METTL24: variants seen among roughly 807,000 people sequenced by gnomAD.
METTL24 encodes the protein methyltransferase like 24, also known as probable methyltransferase-like protein 24.
A neutral mutation model predicts 32.7 loss-of-function variants in METTL24; 29 were observed. That is an observed-to-expected ratio of 0.89 (90% CI 0.66 to 1.21). METTL24 has a LOEUF of 1.21. Among genes scored for constraint, METTL24 ranks in the 50% most tolerant of loss-of-function variants. The pLI, the probability that METTL24 is intolerant of heterozygous loss-of-function variation, is 0.00. For synonymous variants in METTL24, 163 were observed against 179.5 expected, an observed-to-expected ratio of 0.91 and a Z score of 0.73; for missense variants, 439 against 468.1, an observed-to-expected ratio of 0.94 and a Z score of 0.57.
intron 4 of METTL24, chr6:110,254,099 A>C (rs1778336449): frequency 1.8e-6 from 1 of 550,832 alleles, no homozygotes; most frequent in Non-Finnish European, 2.8e-6. Context: ...ATTTATTCTT[A>C]ACAGCTTTTG....
intron 3 of METTL24, among the ~76,000 whole-genome samples, chr6:110,300,128 A>C (rs1333359409): frequency 6.6e-6 from 1 of 152,142 alleles, no homozygotes; most frequent in Non-Finnish European, 1.5e-5. Flanking sequence ...TTCCACGTCC[A>C]CAAATTCAAC....
chr6:110,291,541 T>TA (rs951222323), intron 4 of METTL24, among the ~76,000 whole-genome samples: 25 of 152,244 alleles, frequency 1.6e-4, no homozygotes, highest in East Asian at 5.8e-4. Flanking sequence ...TGCAGATTTT[T>TA]AAAAAAAACT....
intron 2 of METTL24, among the ~76,000 whole-genome samples, chr6:110,316,717 AAAACTTCATCTCTACAAAAAATAT>A (rs1771825867): frequency 6.6e-6 from 1 of 152,160 alleles, no homozygotes; most frequent in Non-Finnish European, 1.5e-5. Context: ...GCAACATGGC[AAAACTTCATCTCTACAAAAAATAT>A]AAACATTAGC....
At chr6:110,356,394 G>A (rs567942990) in intron 1 of METTL24, among the ~76,000 whole-genome samples, 12 of 152,118 alleles carry the variant, frequency 7.9e-5, no homozygotes, top group African/African-American at 2.2e-4. Flanking sequence ...AGTGAGCCAA[G>A]ATCAAGCCAC....
At chr6:110,347,805 AT>A (rs1772507669) in intron 1 of METTL24, among the ~76,000 whole-genome samples, 1 of 152,224 alleles carries the variant, frequency 6.6e-6, no homozygotes, top group Non-Finnish European at 1.5e-5. Flanking sequence ...AGGAAAAAAA[AT>A]CACAAACTAA....
At chr6:110,350,654 G>A (rs1039390328) in intron 1 of METTL24, among the ~76,000 whole-genome samples, 2 of 151,722 alleles carry the variant, frequency 1.3e-5, no homozygotes, top group Non-Finnish European at 2.9e-5. Flanking sequence ...GGACGGGTGC[G>A]GTGACTCACA....
At chr6:110,319,388 T>C (rs1771887743) in intron 2 of METTL24, among the ~76,000 whole-genome samples, 1 of 150,942 alleles carries the variant, frequency 6.6e-6, no homozygotes, top group Non-Finnish European at 1.5e-5. Flanking sequence ...TACAAATTGA[T>C]AGATGGGTAG....
intron 1 of METTL24, among the ~76,000 whole-genome samples, chr6:110,342,704 T>C (rs1772383667): frequency 1.3e-5 from 2 of 152,190 alleles, no homozygotes; most frequent in African/African-American, 4.8e-5. Context: ...TAGCAGTTGC[T>C]TCCCATTCCC....
rs1396027765 is a variant in METTL24, at chr6:110,251,509, CTTAG to C, written c.787-5253_787-5250del. ...ACAAGTAAAGTAAATATTTGTAAGT[CTTAG>C]TTAGATATTGTATTAGTCTGCTAGG... On this transcript the variant is annotated intron_variant, in intron 4 of 4. Transcript: ENST00000338882. Among the ~76,000 whole-genome samples, 9 of 152,174 alleles carry C rather than the reference CTTAG, an allele frequency of 5.9e-5. No homozygotes were observed. In the East Asian group the frequency reaches 9.6e-4, roughly 16 times the overall value.
chr6:110,347,234 C>T (rs1290634248), intron 1 of METTL24, among the ~76,000 whole-genome samples: 4 of 152,190 alleles, frequency 2.6e-5, no homozygotes, highest in Non-Finnish European at 5.9e-5. Context: ...TAAACCTTCA[C>T]TTCATGCCTT....
intron 4 of METTL24, among the ~76,000 whole-genome samples, chr6:110,256,332 T>C (rs2114695200): frequency 6.6e-6 from 1 of 152,352 alleles, no homozygotes; most frequent in African/African-American, 2.4e-5. Flanking sequence ...ATATAAGATA[T>C]GAGTCCCAGT....
At chr6:110,290,166 C>A (rs536145581) in intron 4 of METTL24, among the ~76,000 whole-genome samples, 2 of 151,366 alleles carry the variant, frequency 1.3e-5, no homozygotes, top group Non-Finnish European at 2.9e-5. Flanking sequence ...TCCACCCCCC[C>A]TCAGCCTCCC....
At chr6:110,337,749 A>G (rs147580246) in intron 1 of METTL24, among the ~76,000 whole-genome samples, 1 of 152,370 alleles carries the variant, frequency 6.6e-6, no homozygotes, top group East Asian at 1.9e-4. Flanking sequence ...TAGTCAGTTC[A>G]GATTCCACTT....
intron 1 of METTL24, among the ~76,000 whole-genome samples, chr6:110,344,272 TG>T (rs1389515809): frequency 4.6e-5 from 7 of 152,142 alleles, no homozygotes; most frequent in African/African-American, 1.7e-4. Flanking sequence ...AGTCAAGGAC[TG>T]TTCTCATGCT....
intron 1 of METTL24, among the ~76,000 whole-genome samples, chr6:110,328,179 A>G (rs764721342): frequency 2.0e-5 from 3 of 152,228 alleles, no homozygotes; most frequent in Admixed American, 1.3e-4. Context: ...CCACCAGGGC[A>G]TTCATACAGA....
At chr6:110,307,728 G>C (rs1771649821) in intron 3 of METTL24, among the ~76,000 whole-genome samples, 1 of 152,198 alleles carries the variant, frequency 6.6e-6, no homozygotes, top group Non-Finnish European at 1.5e-5. Context: ...ACCAAAAAAA[G>C]AAAGGGAGAA....
chr6:110,271,438 G>A (rs1396769247), intron 4 of METTL24, among the ~76,000 whole-genome samples: 1 of 152,056 alleles, frequency 6.6e-6, no homozygotes, highest in Non-Finnish European at 1.5e-5. Context: ...TGGGACTATA[G>A]GCACAGGCAC....
At chr6:110,287,298 T>G (rs1404878171) in intron 4 of METTL24, among the ~76,000 whole-genome samples, 2 of 152,226 alleles carry the variant, frequency 1.3e-5, no homozygotes. Context: ...TGGCTTGTCC[T>G]TAGGGTCCAC....
intron 1 of METTL24, among the ~76,000 whole-genome samples, chr6:110,331,085 G>T (rs1772102922): frequency 6.6e-6 from 1 of 152,186 alleles, no homozygotes; most frequent in African/African-American, 2.4e-5. Context: ...GAAGCATAGG[G>T]AGCCAAATGG....
Sources: allele counts gnomAD v4.1 joint callset (sites outside exome capture counted in the v4.1 genomes callset), GRCh38; gene constraint gnomAD v4.1.1; transcripts MANE v1.5; gene names NCBI Gene and HGNC (gene_info 2026-07-23, HGNC 2026-07-21).